Variants in HOMER1 observed in about 807,000 individuals in gnomAD.
HOMER1 encodes homer scaffold protein 1.
Under a neutral mutation model 48.9 loss-of-function variants are expected in HOMER1, and 3 were observed. The observed-to-expected ratio is 0.06, with a 90% confidence interval of 0.03 to 0.16. HOMER1 has a LOEUF of 0.16. HOMER1 is among the 10% of genes least tolerant of loss of function. The pLI is 1.00. For synonymous variants in HOMER1, 134 were observed against 146.4 expected (o/e 0.92, Z 0.61); for missense variants, 247 against 411.4 (o/e 0.60, Z 3.46).
At chr5:79,387,657 T>C (rs1048968674) in intron 8 of HOMER1, among the ~76,000 whole-genome samples, 1 of 152,204 alleles carries the variant, frequency 6.6e-6, no homozygotes, top group African/African-American at 2.4e-5. Context: ...ACATTTTCTA[T>C]GTACTAGGCA....
At chr5:79,444,770 A>C (rs1246434897) in intron 4 of HOMER1, among the ~76,000 whole-genome samples, 1 of 152,190 alleles carries the variant, frequency 6.6e-6, no homozygotes, top group African/African-American at 2.4e-5. Flanking sequence ...TTCTTATAAC[A>C]CTGGAATCAC....
rs1751766786 is a variant in HOMER1 at position 79,476,002 on chromosome 5, T to TA, written c.6-18985dup. Among the ~76,000 whole-genome samples, 3 of 152,188 alleles carry TA rather than the reference T, an allele frequency of 2.0e-5. No homozygotes were observed. The South Asian group carries it at 6.2e-4, about 32-fold the overall frequency. ...GAAGATATATCAATAACTTGTCACT[T>TA]ACTCTGGATGCTAGTACCATGCTCT... On this transcript the variant is annotated intron_variant, in intron 1 of 8. Transcript: ENST00000334082.
chr5:79,501,075 A>G (rs1752574179), intron 1 of HOMER1, among the ~76,000 whole-genome samples: 1 of 151,860 alleles, frequency 6.6e-6, no homozygotes, highest in Admixed American at 6.5e-5. Flanking sequence ...GGCTCAAGCC[A>G]TCCTCCCACC....
At chr5:79,386,669 C>T (rs376975285) in intron 8 of HOMER1, among the ~76,000 whole-genome samples, 47 of 152,162 alleles carry the variant, frequency 3.1e-4, no homozygotes, top group African/African-American at 9.4e-4. Flanking sequence ...CTGAATACCT[C>T]GAACACCCTG....
intron 2 of HOMER1, among the ~76,000 whole-genome samples, chr5:79,455,662 A>G (rs1416925007): frequency 6.6e-6 from 1 of 152,168 alleles, no homozygotes; most frequent in East Asian, 1.9e-4. Flanking sequence ...AAAAATTCAA[A>G]CCAGTCAGTC....
At chr5:79,477,069 A>G (rs1751800326) in intron 1 of HOMER1, among the ~76,000 whole-genome samples, 1 of 152,092 alleles carries the variant, frequency 6.6e-6, no homozygotes, top group African/African-American at 2.4e-5. Flanking sequence ...GTTTCCTGAG[A>G]CCTGCTTCTG....
chr5:79,501,515 G>T (rs1410053011), intron 1 of HOMER1, among the ~76,000 whole-genome samples: 1 of 152,094 alleles, frequency 6.6e-6, no homozygotes, highest in Non-Finnish European at 1.5e-5. Flanking sequence ...CATTATGCGA[G>T]ACTTACTTAC....
chr5:79,389,378 A>T (rs112328305), intron 8 of HOMER1, among the ~76,000 whole-genome samples: 36 of 152,326 alleles, frequency 2.4e-4, no homozygotes, highest in African/African-American at 8.4e-4. Context: ...ATCACTGTGG[A>T]AACTTCAGAA....
At chr5:79,403,818 T>C (rs1422518744) in intron 5 of HOMER1, among the ~76,000 whole-genome samples, 1 of 152,186 alleles carries the variant, frequency 6.6e-6, no homozygotes, top group African/African-American at 2.4e-5. Flanking sequence ...AGTCTAAAAT[T>C]AGTTTAAAAT....
intron 5 of HOMER1, among the ~76,000 whole-genome samples, chr5:79,424,796 A>G (rs1561358450): frequency 6.6e-6 from 1 of 152,088 alleles, no homozygotes; most frequent in Non-Finnish European, 1.5e-5. Flanking sequence ...GACTATATTT[A>G]TCAGAAATAA....
rs149498299 is a variant in HOMER1 at position 79,440,934 on chromosome 5, G to A, written c.388-1785C>T. The stretch of plus-strand genomic sequence containing the variant: ...AATCCTTGGGAGGCCAAGGCAGGCG[G>A]ATCACCTGAGGTCAGGAGTTCAAGA... On this transcript the variant is annotated intron_variant, in intron 4 of 8. Coordinates refer to ENST00000334082, the MANE Select transcript of HOMER1 (RefSeq NM_004272.5). Among the ~76,000 whole-genome samples, 1,337 of 152,250 alleles carry A rather than the reference G, an allele frequency of 8.8e-3. 8 individuals carry two copies. The highest frequency in any genetic ancestry group is 0.058 in the Middle Eastern group (17 of 294).
chr5:79,460,446 G>A (rs751953084), intron 1 of HOMER1, among the ~76,000 whole-genome samples: 11 of 152,140 alleles, frequency 7.2e-5, no homozygotes, highest in Non-Finnish European at 1.5e-4. Flanking sequence ...ACAAAATTTG[G>A]CAGCAATAAA....
In HOMER1 at chr5:79,375,922, T is replaced by G. The variant is rs1748760022; in HGVS notation, c.*87A>C. 2 of 582,662 alleles carry G rather than the reference T, an allele frequency of 3.4e-6. No individual in the cohort carries two copies. The highest frequency in any genetic ancestry group is 2.6e-6 in the Non-Finnish European group (1 of 388,738). 36.1% of individuals were successfully genotyped at this position (582,662 alleles called of 1,614,324 possible). A position where few individuals can be genotyped will look rare whatever the true frequency, so the allele number is the denominator to read the frequency against. On this transcript the variant is annotated 3_prime_UTR_variant, in exon 9 of 9. Transcript: ENST00000334082. The stretch of plus-strand genomic sequence containing the variant: ...ATATTCAATTTTTTTTTTTTTTTTT[T>G]TGTGCAATCTTGATGCAGAGCCTAA...
chr5:79,379,740 C>T (rs1192087662), intron 8 of HOMER1, among the ~76,000 whole-genome samples: 11 of 151,692 alleles, frequency 7.3e-5, no homozygotes, highest in African/African-American at 2.4e-4. Flanking sequence ...CCACCATGCC[C>T]GGCCTTGCCT....
intron 1 of HOMER1, among the ~76,000 whole-genome samples, chr5:79,499,892 T>C (rs1311964657): frequency 1.3e-5 from 2 of 152,216 alleles, no homozygotes; most frequent in East Asian, 3.8e-4. Flanking sequence ...TCACGGTTCT[T>C]GCATATTTTT....
chr5:79,374,589 G>C lies in HOMER1; in HGVS notation c.*1420C>G, dbSNP rs558844824. The C allele has an allele frequency of 1.1e-4, 17 of 152,044 alleles. No individual in the cohort carries two copies. Among genetic ancestry groups the C allele is most frequent in the African/African-American group, 4.1e-4 (17 of 41,524 alleles). The allele number at this position is 152,044 out of a possible 1,614,324, so 9.4% of individuals were successfully genotyped here. The stretch of plus-strand genomic sequence containing the variant: ...TGCATTTATAGACTCCATAGAGTCA[G>C]TTACTCAAGCATACACTTTAAAAAA... On this transcript the variant is annotated 3_prime_UTR_variant, in exon 9 of 9. Coordinates refer to ENST00000334082, the MANE Select transcript of HOMER1 (RefSeq NM_004272.5).
chr5:79,490,505 G>C (rs943892579), intron 1 of HOMER1, among the ~76,000 whole-genome samples: 3 of 151,982 alleles, frequency 2.0e-5, no homozygotes, highest in African/African-American at 7.2e-5. Context: ...TATAACAGTA[G>C]AATTAATGAT....
intron 1 of HOMER1, among the ~76,000 whole-genome samples, chr5:79,507,207 T>C (rs1351586236): frequency 1.9e-5 from 2 of 104,060 alleles, no homozygotes; most frequent in South Asian, 3.4e-4. Context: ...AGTGAGGCTC[T>C]ATCTCAAAAA....
intron 1 of HOMER1, among the ~76,000 whole-genome samples, chr5:79,479,507 A>G (rs1385014302): frequency 6.6e-6 from 1 of 152,166 alleles, no homozygotes; most frequent in East Asian, 1.9e-4. Flanking sequence ...GCTGGCTCTA[A>G]AGATGAAGGG....
Sources: allele counts gnomAD v4.1 joint callset (sites outside exome capture counted in the v4.1 genomes callset), GRCh38; gene constraint gnomAD v4.1.1; transcripts MANE v1.5; gene names NCBI Gene and HGNC (gene_info 2026-07-23, HGNC 2026-07-21).